The following SYNE2 variants were observed in gnomAD, a reference collection of about 807,000 sequenced individuals.
SYNE2 encodes the protein spectrin repeat containing nuclear envelope protein 2, also known as nesprin-2.
A neutral mutation model predicts 856.3 loss-of-function variants in SYNE2; 431 were observed. The ratio of observed to expected loss-of-function variants is 0.50; its 90% CI spans 0.47 to 0.55. SYNE2 has a LOEUF of 0.55. SYNE2 is among the 20% of genes least tolerant of loss of function. The pLI, the probability that SYNE2 is intolerant of heterozygous loss-of-function variation, is 0.00. For missense variants in SYNE2, 8,129 were observed against 8,023.2 expected (o/e 1.01, Z -0.50); for synonymous variants, 2,923 against 2,872.3 (o/e 1.02, Z -0.56).
At chr14:63,882,131 C>A (rs2094879576) in intron 1 of SYNE2, among the ~76,000 whole-genome samples, 1 of 152,068 alleles carries the variant, frequency 6.6e-6, no homozygotes, top group Non-Finnish European at 1.5e-5. Context: ...AGTGGAAGCT[C>A]AGCCGCCTGC....
intron 1 of SYNE2, among the ~76,000 whole-genome samples, chr14:63,876,437 G>A (rs1170422374): frequency 6.6e-6 from 1 of 151,674 alleles, no homozygotes; most frequent in African/African-American, 2.4e-5. Context: ...AATTGCAGTA[G>A]TGGATACCAT....
In SYNE2 at chr14:63,964,360, A is replaced by G. The variant is rs145394600; in HGVS notation, c.990+360A>G. ...ATGTTGTTGGAACAGAGCCACACCCATTTAAGTATTGCCAGTCACTACTTT... is the reference window on the plus strand; with the variant it reads ...ATGTTGTTGGAACAGAGCCACACCCGTTTAAGTATTGCCAGTCACTACTTT... On this transcript the variant is annotated intron_variant, in intron 10 of 115. Transcript: ENST00000555002. Among the ~76,000 whole-genome samples, 3 of 152,320 alleles carry G rather than the reference A, an allele frequency of 2.0e-5. No individual in the cohort carries two copies. The East Asian group carries it at 5.8e-4, about 29-fold the overall frequency.
At chr14:63,771,198 T>G (rs2139705749) in intron 1 of SYNE2, among the ~76,000 whole-genome samples, 1 of 150,884 alleles carries the variant, frequency 6.6e-6, no homozygotes, top group East Asian at 2.0e-4. Flanking sequence ...GCCTCCCGAG[T>G]AGCTGGGACT....
At chr14:63,953,345 T>C (rs1042798018) in intron 7 of SYNE2, among the ~76,000 whole-genome samples, 2 of 151,988 alleles carry the variant, frequency 1.3e-5, no homozygotes, top group African/African-American at 4.8e-5. Flanking sequence ...CCAAGGACAG[T>C]GACTAGGAGG....
chr14:63,838,393 C>CTGTACATTTAAAATT (rs1889933871), intron 1 of SYNE2, among the ~76,000 whole-genome samples: 2 of 152,026 alleles, frequency 1.3e-5, no homozygotes, highest in Admixed American at 6.6e-5. Context: ...ACTCATTGAA[C>CTGTACATTTAAAATT]TGTACATTTA....
intron 84 of SYNE2, among the ~76,000 whole-genome samples, chr14:64,147,407 A>C (rs545330549): frequency 2.2e-4 from 33 of 152,308 alleles, no homozygotes; most frequent in African/African-American, 7.5e-4. Flanking sequence ...CAGTGGCTCC[A>C]GATGGACCAC....
At chr14:63,923,542 GA>G (rs2095625459) in intron 2 of SYNE2, among the ~76,000 whole-genome samples, 1 of 152,222 alleles carries the variant, frequency 6.6e-6, no homozygotes, top group Non-Finnish European at 1.5e-5. Context: ...CCTATAGCAT[GA>G]AAGCTCTGGG....
intron 1 of SYNE2, among the ~76,000 whole-genome samples, chr14:63,825,209 A>G (rs778856368): frequency 9.9e-5 from 15 of 152,194 alleles, no homozygotes; most frequent in African/African-American, 3.6e-4. Context: ...TTTTTCAAGT[A>G]TCAGGAACAA....
intron 1 of SYNE2, among the ~76,000 whole-genome samples, chr14:63,876,494 C>CT (rs11452526): frequency 0.61 from 89,658 of 146,972 alleles, 27,371 homozygotes; most frequent in South Asian, 0.66. Context: ...AAATATGTTC[C>CT]TTTTTTTTTT....
chr14:64,151,025 A>G (rs528059959), intron 84 of SYNE2, among the ~76,000 whole-genome samples: 1 of 152,302 alleles, frequency 6.6e-6, no homozygotes, highest in South Asian at 2.1e-4. Flanking sequence ...CATACGCTAT[A>G]TATTCATGTG....
At chr14:64,080,762 GC>G in intron 56 of SYNE2, 124 bp downstream of exon 56, 1 of 1,194,338 alleles carries the variant, frequency 8.4e-7, no homozygotes, top group Non-Finnish European at 1.2e-6. Context: ...TGAAGCTGGG[GC>G]CATGGTAGGC....
intron 1 of SYNE2, among the ~76,000 whole-genome samples, chr14:63,815,168 C>A (rs139939066): frequency 0.027 from 74 of 2,726 alleles, 5 homozygotes; most frequent in Middle Eastern, 0.12. Flanking sequence ...CCATATATAT[C>A]CACATATATA....
intron 23 of SYNE2, 94 bp from the exon 24 acceptor site, chr14:63,996,853 G>A (rs1335315921): frequency 8.2e-7 from 1 of 1,224,928 alleles, no homozygotes; most frequent in African/African-American, 1.5e-5. Context: ...AGAACACATT[G>A]TTAAAACTAC....
intron 31 of SYNE2, among the ~76,000 whole-genome samples, chr14:64,007,786 G>A (rs1423235054): frequency 1.3e-5 from 2 of 152,042 alleles, no homozygotes; most frequent in Non-Finnish European, 2.9e-5. Context: ...TGGGGTGGCC[G>A]GATCACCTGA....
At chr14:63,934,158 A>G (rs1566838697) in intron 2 of SYNE2, among the ~76,000 whole-genome samples, 1 of 152,226 alleles carries the variant, frequency 6.6e-6, no homozygotes, top group Non-Finnish European at 1.5e-5. Context: ...TCGGACAATG[A>G]GTTTAAAAGC....
At chr14:63,887,628 T>C (rs2095025829) in intron 1 of SYNE2, among the ~76,000 whole-genome samples, 1 of 152,166 alleles carries the variant, frequency 6.6e-6, no homozygotes, top group African/African-American at 2.4e-5. Context: ...CTGGAAGATA[T>C]GTAACTTCTA....
At chr14:63,827,639 AAAAAAAAAAAAAAAAAAG>A (rs1365711550) in intron 1 of SYNE2, among the ~76,000 whole-genome samples, 27 of 64,400 alleles carry the variant, frequency 4.2e-4, no homozygotes, top group Non-Finnish European at 8.8e-4. Flanking sequence ...AAAAAAAAAA[AAAAAAAAAAAAAAAAAAG>A]AAAGAAAAAG....
At chr14:63,851,757 A>G (rs1890475933), upstream of SYNE2, among the ~76,000 whole-genome samples, 1 of 151,898 alleles carries the variant, frequency 6.6e-6, no homozygotes, top group African/African-American at 2.4e-5. Context: ...AAGATTCTGT[A>G]GCCACAGACA....
chr14:63,885,374 T>C (rs2140796158), intron 1 of SYNE2, among the ~76,000 whole-genome samples: 1 of 152,276 alleles, frequency 6.6e-6, no homozygotes, highest in East Asian at 1.9e-4. Flanking sequence ...TGTCCCTTGA[T>C]GTGCTTAGGT....
Sources: allele counts gnomAD v4.1 joint callset (sites outside exome capture counted in the v4.1 genomes callset), GRCh38; gene constraint gnomAD v4.1.1; transcripts MANE v1.5; gene names NCBI Gene and HGNC (gene_info 2026-07-23, HGNC 2026-07-21).